The following KCNC2 variants were observed in gnomAD, a reference collection of about 807,000 sequenced individuals.
KCNC2 encodes the protein potassium voltage-gated channel subfamily C member 2.
KCNC2 carries 21 observed loss-of-function variants against 44.5 expected under a neutral mutation model. The observed-to-expected ratio is 0.47, with a 90% CI of 0.33 to 0.68. KCNC2 has a LOEUF of 0.68. Ranked by LOEUF, KCNC2 falls within the 30% of genes least tolerant of loss-of-function variation. The pLI, the probability that KCNC2 is intolerant of heterozygous loss-of-function variation, is 0.01. For synonymous variants in KCNC2, 391 were observed against 339.1 expected, an observed-to-expected ratio of 1.15 and a Z score of -1.68; for missense variants, 589 against 826.2, an observed-to-expected ratio of 0.71 and a Z score of 3.52.
intron 2 of KCNC2, among the ~76,000 whole-genome samples, chr12:75,112,906 G>A (rs1369124616): frequency 2.0e-5 from 3 of 151,966 alleles, no homozygotes; most frequent in African/African-American, 4.8e-5. Flanking sequence ...AATTGCCTAC[G>A]GTAGGCAAAT....
rs373399937 is a variant in KCNC2 at position 75,041,123 on chromosome 12, T to G, written c.*1982A>C. The G allele has an allele frequency of 6.3e-7, 1 of 1,596,612 alleles. No homozygotes were observed. Among genetic ancestry groups the G allele is most frequent in the East Asian group, 2.2e-5 (1 of 44,826 alleles). On this transcript the variant is annotated 3_prime_UTR_variant, in exon 5 of 5. Coordinates refer to ENST00000549446, the MANE Select transcript of KCNC2 (RefSeq NM_139137.4). ...CAGGGCACATTCAGCAGCAGAAGTC[T>G]GTTTCCAGTATAGTCCTTGGTATGG...
chr12:75,183,802 G>C (rs562199306), intron 2 of KCNC2, among the ~76,000 whole-genome samples: 11 of 152,152 alleles, frequency 7.2e-5, no homozygotes, highest in African/African-American at 2.7e-4. Flanking sequence ...TCATGTCTTA[G>C]AATATCGCTC....
intron 2 of KCNC2, among the ~76,000 whole-genome samples, chr12:75,173,412 T>A (rs1228650959): frequency 6.6e-6 from 1 of 151,860 alleles, no homozygotes; most frequent in Non-Finnish European, 1.5e-5. Flanking sequence ...TACACATGAA[T>A]CATTTCTTCT....
intron 2 of KCNC2, among the ~76,000 whole-genome samples, chr12:75,106,689 C>T (rs1396308600): frequency 6.6e-6 from 1 of 152,130 alleles, no homozygotes; most frequent in East Asian, 1.9e-4. Context: ...AACACCACCA[C>T]CACTCTTATT....
intron 2 of KCNC2, among the ~76,000 whole-genome samples, chr12:75,062,702 ACTCATTTTAG>A (rs1882463856): frequency 6.6e-6 from 1 of 151,840 alleles, no homozygotes; most frequent in Admixed American, 6.6e-5. Flanking sequence ...AGATTATTTA[ACTCATTTTAG>A]GGCTTTCAGG....
At chr12:75,184,383 G>T (rs1892795502) in intron 2 of KCNC2, among the ~76,000 whole-genome samples, 1 of 152,060 alleles carries the variant, frequency 6.6e-6, no homozygotes, top group African/African-American at 2.4e-5. Flanking sequence ...CATAGATGTG[G>T]GTTGGCTAGA....
In KCNC2 at chr12:75,142,834, A is replaced by ACACAG. The variant is rs561324545; in HGVS notation, c.687+64458_687+64462dup. ...CTTTTATGACCTAACCTGAGAAGTC[A>ACACAG]CACAGTGACACCACTATAGCCACAA... On this transcript the variant is annotated intron_variant, in intron 2 of 4. Coordinates refer to ENST00000549446, the MANE Select transcript of KCNC2 (RefSeq NM_139137.4). 3.3e-5 allele frequency among the ~76,000 whole-genome samples: 5 copies of ACACAG among 152,210 alleles called. No homozygotes were observed. The South Asian group carries it at 1.0e-3, about 32-fold the overall frequency.
chr12:75,196,016 T>C (rs1186335855), intron 2 of KCNC2, among the ~76,000 whole-genome samples: 1 of 152,110 alleles, frequency 6.6e-6, no homozygotes, highest in African/African-American at 2.4e-5. Flanking sequence ...CTCTTCCCAC[T>C]GTCTGAAAAA....
chr12:75,147,623 G>A lies in KCNC2; in HGVS notation c.687+59674C>T, dbSNP rs181808652. Reference sequence around the variant, plus strand: ...ATTTTAGTTAAAACTTAAATAAATAGGATAGGGAAAAAGTGTCATTCCTGC... The same window carrying A: ...ATTTTAGTTAAAACTTAAATAAATAAGATAGGGAAAAAGTGTCATTCCTGC... On this transcript the variant is annotated intron_variant, in intron 2 of 4. Transcript: ENST00000549446. Among the ~76,000 whole-genome samples the A allele has an allele frequency of 3.9e-5, 6 of 152,250 alleles. No homozygotes were observed. The East Asian group carries it at 9.6e-4, about 24-fold the overall frequency.
intron 2 of KCNC2, among the ~76,000 whole-genome samples, chr12:75,111,316 G>A (rs12314935): frequency 0.63 from 95,252 of 151,820 alleles, 32,368 homozygotes; most frequent in African/African-American, 0.9. Flanking sequence ...TAAGTTTTCT[G>A]TTTTTCTATT....
chr12:75,048,085 T>A, intron 4 of KCNC2, 68 bp downstream of exon 4: 1 of 1,381,608 alleles, frequency 7.2e-7, no homozygotes, highest in East Asian at 2.3e-5. Flanking sequence ...GCATTTTACA[T>A]TACTCCATGT....
At chr12:75,142,985 A>G (rs1198612858) in intron 2 of KCNC2, among the ~76,000 whole-genome samples, 2 of 152,140 alleles carry the variant, frequency 1.3e-5, no homozygotes, top group African/African-American at 2.4e-5. Flanking sequence ...ATTTAACACC[A>G]ATTAATAATT....
At chr12:75,187,923 G>A (rs1417972990) in intron 2 of KCNC2, among the ~76,000 whole-genome samples, 1 of 152,102 alleles carries the variant, frequency 6.6e-6, no homozygotes, top group African/African-American at 2.4e-5. Context: ...ATAATTAAAA[G>A]CCCTCTTTTT....
intron 2 of KCNC2, among the ~76,000 whole-genome samples, chr12:75,146,606 T>C (rs1416215846): frequency 6.6e-6 from 1 of 152,250 alleles, no homozygotes; most frequent in African/African-American, 2.4e-5. Flanking sequence ...ACCATTACCA[T>C]GCTTGTGCAA....
rs147592581 is a variant in KCNC2, at chr12:75,158,553, G to A, written c.687+48744C>T. 2.0e-3 allele frequency among the ~76,000 whole-genome samples: 310 copies of A among 151,928 alleles called. 3 individuals carry two copies. Among genetic ancestry groups the A allele is most frequent in the South Asian group, 5.8e-3 (28 of 4,830 alleles). On this transcript the variant is annotated intron_variant, in intron 2 of 4. Transcript: ENST00000549446. ...AGGGCCTGGCGCTTTGAAATCAAAAGCAAGGTTTTTTCATGGTTATGACAT... is the reference window on the plus strand; with the variant it reads ...AGGGCCTGGCGCTTTGAAATCAAAAACAAGGTTTTTTCATGGTTATGACAT...
In KCNC2 at chr12:75,041,849, A is replaced by T. The variant is rs1879939635; in HGVS notation, c.*1256T>A. ...AAGCAGAGAGGCTGCTCCAAATAGCAAAAAATGGTATGGAGTCGGGTTTGG... is the reference window on the plus strand; with the variant it reads ...AAGCAGAGAGGCTGCTCCAAATAGCTAAAAATGGTATGGAGTCGGGTTTGG... On this transcript the variant is annotated 3_prime_UTR_variant, in exon 5 of 5. Transcript: ENST00000549446. The T allele has an allele frequency of 1.0e-6, 1 of 981,136 alleles. No homozygotes were observed. 60.8% of individuals were successfully genotyped at this position (981,136 alleles called of 1,614,324 possible). A position where few individuals can be genotyped will look rare whatever the true frequency, so the allele number is the denominator to read the frequency against.
chr12:75,065,827 A>G (rs1247468383), intron 2 of KCNC2, among the ~76,000 whole-genome samples: 1 of 152,144 alleles, frequency 6.6e-6, no homozygotes, highest in Non-Finnish European at 1.5e-5. Flanking sequence ...ACAAATATTT[A>G]TAATATTGCC....
At chr12:75,058,601 C>A (rs1881991602) in intron 2 of KCNC2, among the ~76,000 whole-genome samples, 1 of 152,060 alleles carries the variant, frequency 6.6e-6, no homozygotes, top group South Asian at 2.1e-4. Context: ...CCAGAAAAGT[C>A]TGTTTCTTTT....
intron 2 of KCNC2, among the ~76,000 whole-genome samples, chr12:75,206,877 G>A (rs139628193): frequency 7.8e-4 from 119 of 152,282 alleles, no homozygotes; most frequent in African/African-American, 2.7e-3. Context: ...GATGTGAAGG[G>A]GGCCTCACTG....
Sources: gnomAD v4.1 joint callset for allele counts (sites outside exome capture counted in the v4.1 genomes callset) on GRCh38, gnomAD v4.1.1 for gene constraint, MANE v1.5 for transcripts, NCBI Gene and HGNC (gene_info 2026-07-23, HGNC 2026-07-21) for gene names.